Variants in ATRN observed in about 807,000 individuals in gnomAD.
ATRN encodes attractin-2.
In ATRN, 54 loss-of-function variants were observed where a neutral mutation model predicts 178.7. The ratio of observed to expected loss-of-function variants is 0.30; its 90% CI spans 0.24 to 0.38. The LOEUF is 0.38. Among genes scored for constraint, ATRN ranks in the 10% least tolerant of loss-of-function variants. ATRN has a pLI of 1.00. For missense variants in ATRN, 1,443 were observed against 1,815.1 expected, an observed-to-expected ratio of 0.79 and a Z score of 3.73; for synonymous variants, 636 against 663.0, an observed-to-expected ratio of 0.96 and a Z score of 0.63.
intron 1 of ATRN, among the ~76,000 whole-genome samples, chr20:3,523,990 A>G (rs1411864431): frequency 6.6e-6 from 1 of 152,246 alleles, no homozygotes; most frequent in African/African-American, 2.4e-5. Flanking sequence ...CATTGACACT[A>G]TGAAGAAACT....
chr20:3,649,602 T>C lies in ATRN; in HGVS notation c.*2755T>C, dbSNP rs432647. The C allele has an allele frequency of 0.86, 131,299 of 152,226 alleles. 56,961 individuals carry two copies. Among genetic ancestry groups the C allele is most frequent in the East Asian group, 1 (5,161 of 5,168 alleles). 9.4% of individuals were successfully genotyped at this position (152,226 alleles called of 1,614,324 possible). A position where few individuals can be genotyped will look rare whatever the true frequency, so the allele number is the denominator to read the frequency against. On this transcript the variant is annotated 3_prime_UTR_variant, in exon 29 of 29. Transcript: ENST00000262919. Reference sequence around the variant, plus strand: ...ATCAGGCAGGGAATCGAAACGACAGTGCTGGAGGAGACTCAGGAAGCAGAG... The same window carrying C: ...ATCAGGCAGGGAATCGAAACGACAGCGCTGGAGGAGACTCAGGAAGCAGAG...
intron 25 of ATRN, among the ~76,000 whole-genome samples, chr20:3,626,783 T>C (rs1039048413): frequency 1.1e-5 from 1 of 93,624 alleles, no homozygotes; most frequent in Non-Finnish European, 2.3e-5. Flanking sequence ...AATTATTTCT[T>C]TTTTTTTTTT....
At chr20:3,538,899 C>T (rs574810302) in intron 2 of ATRN, among the ~76,000 whole-genome samples, 57 of 152,210 alleles carry the variant, frequency 3.7e-4, no homozygotes, top group Non-Finnish European at 4.8e-4. Context: ...TTGGACACAT[C>T]AGCCTCTTTC....
At chr20:3,484,357 G>T (rs535473922) in intron 1 of ATRN, among the ~76,000 whole-genome samples, 1 of 150,994 alleles carries the variant, frequency 6.6e-6, no homozygotes, top group Non-Finnish European at 1.5e-5. Context: ...TTCCTTTCCT[G>T]TACTGACCTT....
At chr20:3,569,352 A>G (rs575157031) in intron 11 of ATRN, among the ~76,000 whole-genome samples, 7 of 152,286 alleles carry the variant, frequency 4.6e-5, no homozygotes, top group South Asian at 2.1e-4. Flanking sequence ...ACTATACTCA[A>G]TACTGTAGGT....
chr20:3,569,223 C>A (rs1026562789), intron 11 of ATRN, among the ~76,000 whole-genome samples: 2 of 152,168 alleles, frequency 1.3e-5, no homozygotes, highest in African/African-American at 4.8e-5. Flanking sequence ...AGAAGTGCAT[C>A]CTTAGGCAAT....
In ATRN at chr20:3,645,408, C is replaced by T. The variant is rs977222829; in HGVS notation, c.4165+1140C>T. On this transcript the variant is annotated intron_variant, in intron 28 of 28. Coordinates refer to ENST00000262919, the MANE Select transcript of ATRN (RefSeq NM_139321.3). The surrounding 1 kb of genome is among the most constrained non-coding windows in gnomAD (Gnocchi z 4.7). ...GAGTTGAGCCCCTAACTCGGCCTTG[C>T]CTGTGTTGAGGACAGGACAACTCTC... Among the ~76,000 whole-genome samples, 1 of 152,258 alleles carries T rather than the reference C, an allele frequency of 6.6e-6. No individual in the cohort carries two copies. Among genetic ancestry groups the T allele is most frequent in the African/African-American group, 2.4e-5 (1 of 41,474 alleles).
intron 1 of ATRN, among the ~76,000 whole-genome samples, chr20:3,500,145 C>G (rs1363209502): frequency 6.6e-6 from 1 of 152,182 alleles, no homozygotes; most frequent in Non-Finnish European, 1.5e-5. Context: ...TACCATCTCA[C>G]ACCAGTTAGA....
chr20:3,644,042 CT>C, intron 27 of ATRN, 111 bp from the exon 28 acceptor site: 1 of 787,742 alleles, frequency 1.3e-6, no homozygotes, highest in Non-Finnish European at 2.1e-6. Flanking sequence ...TGCAATGTAC[CT>C]TTTTTATATA....
At chr20:3,609,621 A>G (rs975475631) in intron 24 of ATRN, among the ~76,000 whole-genome samples, 3 of 151,986 alleles carry the variant, frequency 2.0e-5, no homozygotes, top group Admixed American at 6.6e-5. Flanking sequence ...TTGTATTCCA[A>G]TGTTGATAGC....
At position 3,597,983 on chromosome 20, in the gene ATRN, G is replaced by C. The variant is rs2086554560; in HGVS notation, c.3547G>C (p.Val1183Leu). The C allele has an allele frequency of 6.2e-7, 1 of 1,609,980 alleles. No individual in the cohort carries two copies. The highest frequency in any genetic ancestry group is 8.5e-7 in the Non-Finnish European group (1 of 1,176,544). ...TCGCTATTACACAGCTATCAATTTT[G>C]TGGCTACTCCTGACGAAGTAAGATT... ...DDRYYTAINF[V>L]ATPDEQNRDL... Residue 1183 changes from valine to leucine, a missense_variant, in exon 22 of 29, where the codon GTG (valine) becomes CTG (leucine). Val to Leu is a conservative substitution (Grantham distance 32, BLOSUM62 1). Coordinates refer to ENST00000262919, the MANE Select transcript of ATRN (RefSeq NM_139321.3).
At chr20:3,565,992 G>A (rs79086186) in intron 11 of ATRN, among the ~76,000 whole-genome samples, 2 of 152,022 alleles carry the variant, frequency 1.3e-5, no homozygotes. Context: ...TTGTTAGCAC[G>A]CAAGAGCATG....
chr20:3,511,866 A>G (rs1233898927), intron 1 of ATRN, among the ~76,000 whole-genome samples: 2 of 152,024 alleles, frequency 1.3e-5, no homozygotes, highest in African/African-American at 4.8e-5. Context: ...ATGTTTAAGC[A>G]TGGTTAGAAC....
At chr20:3,549,421 A>ACCAGTC in intron 6 of ATRN, 83 bp downstream of exon 6, 3 of 1,230,802 alleles carry the variant, frequency 2.4e-6, no homozygotes, top group Non-Finnish European at 3.3e-6. Flanking sequence ...AAAATAAATC[A>ACCAGTC]CCAGTCATTC....
rs1001625686 is a variant in ATRN at position 3,649,517 on chromosome 20, A to G, written c.*2670A>G. On this transcript the variant is annotated 3_prime_UTR_variant, in exon 29 of 29. Transcript: ENST00000262919. Reference sequence around the variant, plus strand: ...CCCATTGTGTGATGTGTTCAGATGCATCTGGCACCAATTAGGTATTTCTTA... The same window carrying G: ...CCCATTGTGTGATGTGTTCAGATGCGTCTGGCACCAATTAGGTATTTCTTA... The G allele has an allele frequency of 2.6e-5, 4 of 152,244 alleles. No individual in the cohort carries two copies. Among genetic ancestry groups the G allele is most frequent in the African/African-American group, 7.2e-5 (3 of 41,450 alleles). 9.4% of individuals were successfully genotyped at this position (152,244 alleles called of 1,614,324 possible).
intron 1 of ATRN, among the ~76,000 whole-genome samples, chr20:3,478,840 C>G (rs1443133964): frequency 6.6e-6 from 1 of 152,032 alleles, no homozygotes; most frequent in African/African-American, 2.4e-5. Flanking sequence ...GCACCTCCCT[C>G]CTCACTGCTC....
rs552055966 is a variant in ATRN, at chr20:3,583,801, C to T, written c.2765-97C>T. The stretch of plus-strand genomic sequence containing the variant: ...CTAGCCTGGAGACAGAGTGAGACTC[C>T]GTCTCAAAAAAAAAAAAGAAAAGAA... On this transcript the variant is annotated intron_variant, in intron 16 of 28. Transcript: ENST00000262919. The T allele has an allele frequency of 2.3e-5, 28 of 1,244,432 alleles. No homozygotes were observed. The East Asian group carries it at 3.1e-4, about 14-fold the overall frequency. The allele number at this position is 1,244,432 out of a possible 1,614,324, so 77.1% of individuals were successfully genotyped here.
chr20:3,489,958 GCT>G, intron 1 of ATRN: 1 of 1,042,008 alleles, frequency 9.6e-7, no homozygotes, highest in Non-Finnish European at 1.5e-6. Context: ...TGCTCTTCTT[GCT>G]CTTCTCCTGT....
intron 6 of ATRN, among the ~76,000 whole-genome samples, chr20:3,550,669 T>G (rs1262057330): frequency 1.3e-5 from 2 of 152,214 alleles, no homozygotes; most frequent in Non-Finnish European, 2.9e-5. Flanking sequence ...ACACAGATTT[T>G]AGGCATTTTC....
Sources: allele counts gnomAD v4.1 joint callset (sites outside exome capture counted in the v4.1 genomes callset), GRCh38; gene constraint gnomAD v4.1.1; non-coding constraint Gnocchi (gnomAD v3.1); transcripts MANE v1.5; gene names NCBI Gene and HGNC (gene_info 2026-07-23, HGNC 2026-07-21).